Variants in PPARGC1A observed in about 807,000 individuals in gnomAD.
PPARGC1A encodes the protein peroxisome proliferator-activated receptor gamma coactivator 1-alpha.
Under a neutral mutation model 88.7 loss-of-function variants are expected in PPARGC1A, and 25 were observed. That is an observed-to-expected ratio of 0.28 (90% CI 0.21 to 0.39). The LOEUF (loss-of-function observed/expected upper bound fraction) is 0.39. Ranked by LOEUF, PPARGC1A falls within the 10% of genes least tolerant of loss-of-function variation. PPARGC1A has a pLI of 1.00. For missense variants in PPARGC1A, 880 were observed against 968.7 expected (o/e 0.91, Z 1.22); for synonymous variants, 363 against 355.6 (o/e 1.02, Z -0.24).
chr4:24,405,059 A>G, the PPARGC1A span, among the ~76,000 whole-genome samples: 3 of 152,234 alleles, frequency 2.0e-5, no homozygotes. Flanking sequence ...TTAATTTCAT[A>G]CAATTTTTGC....
At chr4:23,867,658 T>A (rs1203440097) in intron 2 of PPARGC1A, among the ~76,000 whole-genome samples, 1 of 152,192 alleles carries the variant, frequency 6.6e-6, no homozygotes, top group Non-Finnish European at 1.5e-5. Flanking sequence ...GATCACAGAC[T>A]ATAAATGAAA....
At chr4:23,955,511 T>G in the PPARGC1A span, among the ~76,000 whole-genome samples, 1 of 152,090 alleles carries the variant, frequency 6.6e-6, no homozygotes, top group Admixed American at 6.6e-5. Flanking sequence ...ATTACTACGA[T>G]TCCTCTAAAA....
the PPARGC1A span, among the ~76,000 whole-genome samples, chr4:23,940,060 T>G: frequency 3.9e-5 from 6 of 152,216 alleles, no homozygotes; most frequent in Non-Finnish European, 7.4e-5. Context: ...CTCTAACTTC[T>G]CAAGGCTCCC....
chr4:23,946,785 T>C, the PPARGC1A span, among the ~76,000 whole-genome samples: 4,386 of 152,068 alleles, frequency 0.029, 85 homozygotes, highest in Middle Eastern at 0.071. Flanking sequence ...AATATTTCTT[T>C]CTTGGTGGGG....
chr4:24,050,522 TA>T, the PPARGC1A span, among the ~76,000 whole-genome samples: 27 of 151,958 alleles, frequency 1.8e-4, no homozygotes, highest in African/African-American at 6.5e-4. Flanking sequence ...ACTCTCCCAC[TA>T]AAAACTTCCT....
the PPARGC1A span, among the ~76,000 whole-genome samples, chr4:24,297,975 G>C: frequency 1.6e-4 from 25 of 152,242 alleles, no homozygotes; most frequent in African/African-American, 5.8e-4. Context: ...AAATACTGGA[G>C]AGTCAGGCTG....
At chr4:24,194,616 GCGCGCA>G in the PPARGC1A span, among the ~76,000 whole-genome samples, 2,947 of 28,264 alleles carry the variant, frequency 0.1, 46 homozygotes, top group Middle Eastern at 0.22. Context: ...GCACACACGC[GCGCGCA>G]CGCGCGCGCA....
At chr4:24,472,723 C>G in the PPARGC1A span, among the ~76,000 whole-genome samples, 1 of 150,886 alleles carries the variant, frequency 6.6e-6, no homozygotes, top group Non-Finnish European at 1.5e-5. This position sits in a 1 kb window ranked among gnomAD's most constrained non-coding sequence, Gnocchi z 4.5. Context: ...TAGATAGGTT[C>G]GTCCTGACTT....
the PPARGC1A span, among the ~76,000 whole-genome samples, chr4:24,410,822 G>A: frequency 6.6e-6 from 1 of 152,292 alleles, no homozygotes; most frequent in East Asian, 1.9e-4. Flanking sequence ...TTACACCAGT[G>A]GTTCGCCAGG....
chr4:24,236,703 AAC>A, the PPARGC1A span, among the ~76,000 whole-genome samples: 3 of 152,168 alleles, frequency 2.0e-5, no homozygotes, highest in Admixed American at 6.6e-5. Flanking sequence ...CCCATCTGCA[AAC>A]ACACAGTGTT....
the PPARGC1A span, among the ~76,000 whole-genome samples, chr4:24,203,862 G>A: frequency 6.6e-6 from 1 of 152,236 alleles, no homozygotes; most frequent in East Asian, 1.9e-4. Flanking sequence ...TTGACTCTAT[G>A]CCTATAGGTG....
At chr4:24,104,855 T>C in the PPARGC1A span, among the ~76,000 whole-genome samples, 1 of 152,152 alleles carries the variant, frequency 6.6e-6, no homozygotes, top group Non-Finnish European at 1.5e-5. Context: ...ACACGGTACT[T>C]AAAAATGTAG....
the PPARGC1A span, among the ~76,000 whole-genome samples, chr4:24,019,527 C>G: frequency 6.6e-6 from 1 of 152,188 alleles, no homozygotes; most frequent in Non-Finnish European, 1.5e-5. Flanking sequence ...ATCCACATTT[C>G]AAAGTATTCT....
chr4:24,186,734 C>T, the PPARGC1A span, among the ~76,000 whole-genome samples: 1 of 151,938 alleles, frequency 6.6e-6, no homozygotes, highest in Non-Finnish European at 1.5e-5. Context: ...GGCACGATGG[C>T]TCTTTCAACC....
the PPARGC1A span, among the ~76,000 whole-genome samples, chr4:24,374,162 C>T: frequency 1.2e-3 from 190 of 152,308 alleles, 1 homozygote; most frequent in Middle Eastern, 6.8e-3. Context: ...GGTTAACACC[C>T]CTGGGAGGGA....
At chr4:24,229,379 C>G in the PPARGC1A span, among the ~76,000 whole-genome samples, 3 of 149,192 alleles carry the variant, frequency 2.0e-5, no homozygotes, top group African/African-American at 7.4e-5. Flanking sequence ...GAACTTCTGA[C>G]CTCAGGTGAT....
chr4:23,938,801 G>A, the PPARGC1A span, among the ~76,000 whole-genome samples: 4 of 152,198 alleles, frequency 2.6e-5, no homozygotes, highest in Non-Finnish European at 5.9e-5. Context: ...TGACAGAGAA[G>A]CAAACCTTCC....
At chr4:23,988,798 G>A in the PPARGC1A span, among the ~76,000 whole-genome samples, 1 of 149,158 alleles carries the variant, frequency 6.7e-6, no homozygotes, top group Admixed American at 6.7e-5. Flanking sequence ...AGAGGTCAAG[G>A]AAATAGTATA....
the PPARGC1A span, among the ~76,000 whole-genome samples, chr4:24,047,945 T>C: frequency 6.6e-6 from 1 of 152,198 alleles, no homozygotes; most frequent in African/African-American, 2.4e-5. Flanking sequence ...ACTTCCTGCC[T>C]TTTCTGGTTC....
Sources: gnomAD v4.1 joint callset for allele counts (sites outside exome capture counted in the v4.1 genomes callset) on GRCh38, gnomAD v4.1.1 for gene constraint, Gnocchi (gnomAD v3.1) non-coding constraint, MANE v1.5 for transcripts, NCBI Gene and HGNC (gene_info 2026-07-23, HGNC 2026-07-21) for gene names.